PDE4D: variants seen among roughly 807,000 people sequenced by gnomAD.
PDE4D encodes the protein 3',5'-cyclic-AMP phosphodiesterase 4D.
PDE4D carries 24 observed loss-of-function variants against 87.4 expected under a neutral mutation model. The ratio of observed to expected loss-of-function variants is 0.27; its 90% CI spans 0.20 to 0.39. The LOEUF is 0.39. Among genes scored for constraint, PDE4D ranks in the 10% least tolerant of loss-of-function variants. PDE4D has a pLI of 1.00. For synonymous variants in PDE4D, 384 were observed against 383.2 expected (o/e 1.00, Z -0.02); for missense variants, 714 against 1,041.0 (o/e 0.69, Z 4.32).
At chr5:59,117,771 A>C in intron 5 of PDE4D, among the ~76,000 whole-genome samples, 1 of 150,550 alleles carries the variant, frequency 6.6e-6, no homozygotes, top group East Asian at 2.0e-4. Flanking sequence ...TATTTGCACC[A>C]TGGCCATAGA....
chr5:60,402,574 T>C (rs958270099), intron 1 of PDE4D, among the ~76,000 whole-genome samples: 1 of 152,186 alleles, frequency 6.6e-6, no homozygotes, highest in Non-Finnish European at 1.5e-5. Flanking sequence ...CAGTCCGTGG[T>C]TGCACCACCG....
chr5:59,193,398 G>T, intron 3 of PDE4D, 102 bp downstream of exon 3: 2 of 1,068,012 alleles, frequency 1.9e-6, no homozygotes, highest in Non-Finnish European at 2.8e-6. Flanking sequence ...ATTTGTACTT[G>T]TGCTTGATTT....
chr5:59,057,126 TG>T (rs1296502972), intron 5 of PDE4D, among the ~76,000 whole-genome samples: 8 of 152,154 alleles, frequency 5.3e-5, no homozygotes, highest in Non-Finnish European at 1.2e-4. Flanking sequence ...AAATTTAACC[TG>T]TTTGGTTAGA....
chr5:60,480,814 A>G (rs1453574344), intron 1 of PDE4D, among the ~76,000 whole-genome samples: 1 of 152,192 alleles, frequency 6.6e-6, no homozygotes, highest in African/African-American at 2.4e-5. Context: ...CAGTGTTTTC[A>G]GTGCCTCAGG....
At chr5:59,139,794 G>GA (rs1340141123) in intron 5 of PDE4D, among the ~76,000 whole-genome samples, 1 of 151,852 alleles carries the variant, frequency 6.6e-6, no homozygotes, top group Non-Finnish European at 1.5e-5. Context: ...CTCCATTTTA[G>GA]AAAAAAACTA....
At chr5:59,762,855 A>T (rs1319471189) in intron 1 of PDE4D, among the ~76,000 whole-genome samples, 1 of 2,848 alleles carries the variant, frequency 3.5e-4, no homozygotes, top group East Asian at 6.3e-3. Flanking sequence ...CTGCTTAAGG[A>T]TATATATATA....
At chr5:59,869,218 A>G (rs1747468195) in intron 1 of PDE4D, among the ~76,000 whole-genome samples, 1 of 152,218 alleles carries the variant, frequency 6.6e-6, no homozygotes, top group Non-Finnish European at 1.5e-5. Context: ...AACAGGGCCA[A>G]CTGGCAAGAT....
At chr5:59,204,762 G>T (rs1274542714) in intron 2 of PDE4D, among the ~76,000 whole-genome samples, 1 of 152,164 alleles carries the variant, frequency 6.6e-6, no homozygotes, top group Non-Finnish European at 1.5e-5. Flanking sequence ...TTATTGGCAG[G>T]CTTGTTCTTA....
chr5:60,032,306 T>C (rs767741390), intron 2 of PDE4D, among the ~76,000 whole-genome samples: 18 of 152,202 alleles, frequency 1.2e-4, no homozygotes, highest in Non-Finnish European at 2.5e-4. Context: ...TCAATGTGTA[T>C]AGTCACACTG....
intron 1 of PDE4D, among the ~76,000 whole-genome samples, chr5:59,484,043 G>C (rs983801370): frequency 6.6e-6 from 1 of 152,196 alleles, no homozygotes; most frequent in Non-Finnish European, 1.5e-5. Context: ...GAAAGGCAGA[G>C]TATGGTTTTT....
intron 1 of PDE4D, among the ~76,000 whole-genome samples, chr5:59,778,805 T>C (rs1301171796): frequency 6.6e-6 from 1 of 152,214 alleles, no homozygotes; most frequent in Non-Finnish European, 1.5e-5. Flanking sequence ...GTTAACAGGC[T>C]AAAAAGGTAG....
chr5:59,837,354 C>A (rs1742280256), intron 1 of PDE4D, among the ~76,000 whole-genome samples: 1 of 152,036 alleles, frequency 6.6e-6, no homozygotes, highest in Admixed American at 6.6e-5. Flanking sequence ...TCCACAGAAG[C>A]TATCTTAGCC....
chr5:59,017,936 A>T (rs1259439672), intron 6 of PDE4D, among the ~76,000 whole-genome samples: 1 of 152,184 alleles, frequency 6.6e-6, no homozygotes, highest in Non-Finnish European at 1.5e-5. Flanking sequence ...AATAGTGTAG[A>T]GCATAGGCTT....
chr5:59,326,237 T>G (rs1231957523), intron 1 of PDE4D, among the ~76,000 whole-genome samples: 2 of 152,072 alleles, frequency 1.3e-5, no homozygotes, highest in Non-Finnish European at 2.9e-5. Flanking sequence ...CTGCACGTTG[T>G]GCACATGTAC....
At chr5:59,573,870 C>A (rs896152166) in intron 1 of PDE4D, among the ~76,000 whole-genome samples, 1 of 150,188 alleles carries the variant, frequency 6.7e-6, no homozygotes. Context: ...TGGCAGCTTG[C>A]ATGCGTAGTC....
At chr5:59,181,071 G>A (rs914293122) in intron 4 of PDE4D, among the ~76,000 whole-genome samples, 10 of 152,152 alleles carry the variant, frequency 6.6e-5, no homozygotes, top group African/African-American at 1.2e-4. Context: ...ATTATCAGAA[G>A]TGAATGATTT....
At chr5:59,732,827 A>G (rs1757560314) in intron 1 of PDE4D, among the ~76,000 whole-genome samples, 1 of 152,140 alleles carries the variant, frequency 6.6e-6, no homozygotes, top group Non-Finnish European at 1.5e-5. Context: ...TATGACCTTT[A>G]AGGACATATC....
intron 5 of PDE4D, among the ~76,000 whole-genome samples, chr5:59,128,684 T>G (rs1030731978): frequency 1.3e-5 from 2 of 152,224 alleles, no homozygotes; most frequent in African/African-American, 4.8e-5. Flanking sequence ...CACATCAGAA[T>G]TGTCTTGGTA....
chr5:59,008,559 C>A (rs79132632), intron 6 of PDE4D, among the ~76,000 whole-genome samples: 15,331 of 151,964 alleles, frequency 0.1, 1,035 homozygotes, highest in Non-Finnish European at 0.13. Flanking sequence ...AAACTTCAAC[C>A]TTTATCCTGC....
Sources: allele counts gnomAD v4.1 joint callset (sites outside exome capture counted in the v4.1 genomes callset), GRCh38; gene constraint gnomAD v4.1.1; transcripts MANE v1.5; gene names NCBI Gene and HGNC (gene_info 2026-07-23, HGNC 2026-07-21).